DMD: variants seen among roughly 807,000 people sequenced by gnomAD.
The protein encoded by DMD is dystrophin.
DMD carries 63 observed loss-of-function variants against 330.1 expected under a neutral mutation model. The ratio of observed to expected loss-of-function variants is 0.19; its 90% confidence interval spans 0.16 to 0.24. The LOEUF is 0.24. DMD is among the 10% of genes least tolerant of loss of function. The probability of loss-of-function intolerance (pLI) is 1.00; values close to 1 mark genes in which losing one functional copy is unlikely to be tolerated. For synonymous variants in DMD, 1,223 were observed against 959.8 expected (o/e 1.27, Z -5.07); for missense variants, 3,344 against 2,684.1 (o/e 1.25, Z -5.43).
chrX:32,253,774 C>A (rs1156431772), intron 43 of DMD, among the ~76,000 whole-genome samples: 2 of 107,977 alleles, frequency 1.9e-5, no homozygotes, highest in Non-Finnish European at 3.8e-5. Context: ...TAGGCGTGCA[C>A]CACCAAGCCC....
At chrX:32,635,353 G>A (rs1484225594) in intron 11 of DMD, among the ~76,000 whole-genome samples, 1 of 111,391 alleles carries the variant, frequency 9.0e-6, no homozygotes, top group Non-Finnish European at 1.9e-5. Flanking sequence ...TGCTTTTCTA[G>A]TGTGGACAGT....
chrX:31,744,118 T>G, intron 51 of DMD, among the ~76,000 whole-genome samples: 1 of 111,902 alleles, frequency 8.9e-6, no homozygotes, highest in Middle Eastern at 4.6e-3. Flanking sequence ...TCCTCCTGCC[T>G]TGGCCTCCCA....
intron 2 of DMD, among the ~76,000 whole-genome samples, chrX:32,861,747 T>A (rs9887157): frequency 0.4 from 44,311 of 110,268 alleles, 7,131 homozygotes; most frequent in African/African-American, 0.58. Context: ...ATCCAACTAG[T>A]AGCCAGAGGG....
chrX:32,606,097 G>A (rs1230440712), intron 12 of DMD, among the ~76,000 whole-genome samples: 1 of 110,223 alleles, frequency 9.1e-6, no homozygotes, highest in African/African-American at 3.3e-5. Context: ...CATAGTTACT[G>A]TATGATATGA....
At chrX:32,814,539 C>G (rs2077584843) in intron 6 of DMD, among the ~76,000 whole-genome samples, 1 of 111,320 alleles carries the variant, frequency 9.0e-6, no homozygotes, top group Non-Finnish European at 1.9e-5. Flanking sequence ...CTGCCAAATA[C>G]AAAAAGAAGG....
intron 45 of DMD, among the ~76,000 whole-genome samples, chrX:31,951,143 G>GTATGTATATATATATA (rs1569521262): frequency 2.7e-5 from 2 of 74,338 alleles, no homozygotes; most frequent in African/African-American, 1.2e-4. Context: ...ATATATATGT[G>GTATGTATATATATATA]TATATATATA....
At chrX:33,231,985 C>CA (rs200714037) in intron 1 of DMD, among the ~76,000 whole-genome samples, 1 of 110,229 alleles carries the variant, frequency 9.1e-6, no homozygotes, top group Non-Finnish European at 1.9e-5. Flanking sequence ...CAGAGCAGAA[C>CA]AAAAAAGAGC....
intron 2 of DMD, among the ~76,000 whole-genome samples, chrX:32,977,669 A>C (rs757361851): frequency 4.9e-4 from 54 of 111,054 alleles, no homozygotes; most frequent in African/African-American, 1.5e-3. Context: ...AAGGTCAAAG[A>C]CTTATATAAG....
At chrX:33,258,081 A>C (rs1198117368) in intron 1 of DMD, among the ~76,000 whole-genome samples, 1 of 111,751 alleles carries the variant, frequency 8.9e-6, no homozygotes, top group Non-Finnish European at 1.9e-5. Context: ...CTACTGACGT[A>C]ATAAATATAC....
intron 42 of DMD, among the ~76,000 whole-genome samples, chrX:32,292,918 G>A (rs1020801901): frequency 8.9e-6 from 1 of 112,299 alleles, no homozygotes; most frequent in Non-Finnish European, 1.9e-5. Context: ...CTGTGTTCTC[G>A]TGTCTTATTT....
intron 1 of DMD, among the ~76,000 whole-genome samples, chrX:33,295,849 G>T (rs2148933731): frequency 9.0e-6 from 1 of 111,450 alleles, no homozygotes; most frequent in East Asian, 2.8e-4. Flanking sequence ...AACAGTGAGT[G>T]ACAAATAGTG....
At chrX:32,514,131 T>C (rs1412551474) in intron 18 of DMD, among the ~76,000 whole-genome samples, 3 of 107,975 alleles carry the variant, frequency 2.8e-5, no homozygotes, top group African/African-American at 1.0e-4. Flanking sequence ...TACAGCTGAA[T>C]GGAACCAGGT....
intron 44 of DMD, among the ~76,000 whole-genome samples, chrX:31,988,063 T>C (rs1428720111): frequency 8.9e-6 from 1 of 112,039 alleles, no homozygotes; most frequent in Non-Finnish European, 1.9e-5. Context: ...GGATACTATG[T>C]TAAGTGTCTG....
chrX:31,819,578 C>A (rs910147073), intron 50 of DMD, among the ~76,000 whole-genome samples: 3 of 113,017 alleles, frequency 2.7e-5, no homozygotes, highest in Non-Finnish European at 5.6e-5. Context: ...TGGCCAATGG[C>A]TGGCTGGATC....
chrX:32,390,115 T>C lies in DMD; in HGVS notation c.4300A>G (p.Lys1434Glu), dbSNP rs771250421. ...LEEMKKHNQG[K>E]EAAQRVLSQI... Reference sequence around the variant, plus strand: ...GACAGGACTCTTTGGGCAGCCTCCTTCCCCTGATTATGTTTCTTCATTTCT... The same window carrying C: ...GACAGGACTCTTTGGGCAGCCTCCTCCCCCTGATTATGTTTCTTCATTTCT... The change falls in exon 31 of 79, where the codon AAG becomes GAG. Residue 1434 changes from lysine to glutamate, a missense_variant. Lys to Glu is a moderately conservative substitution (Grantham distance 56, BLOSUM62 1). Transcript: ENST00000357033. The C allele has an allele frequency of 4.1e-6, 5 of 1,210,695 alleles. No individual in the cohort carries two copies. The highest frequency in any genetic ancestry group is 5.6e-6 in the Non-Finnish European group (5 of 894,552).
chrX:32,575,700 AG>A (rs1282800611), intron 13 of DMD, among the ~76,000 whole-genome samples: 2 of 111,984 alleles, frequency 1.8e-5, no homozygotes, highest in African/African-American at 6.5e-5. Flanking sequence ...GGGAGAAAAA[AG>A]CTTCAAATGG....
At chrX:32,959,172 A>G (rs1244226159) in intron 2 of DMD, among the ~76,000 whole-genome samples, 1 of 112,437 alleles carries the variant, frequency 8.9e-6, no homozygotes, top group Non-Finnish European at 1.9e-5. Flanking sequence ...TTAATTTTCA[A>G]AACAATCCTA....
intron 2 of DMD, among the ~76,000 whole-genome samples, chrX:32,938,592 C>G (rs1602068633): frequency 9.0e-6 from 1 of 111,582 alleles, no homozygotes; most frequent in East Asian, 2.8e-4. Flanking sequence ...ACTACCAACC[C>G]CAGTTACTGT....
At chrX:33,016,212 T>A (rs2093799837) in intron 2 of DMD, among the ~76,000 whole-genome samples, 1 of 111,284 alleles carries the variant, frequency 9.0e-6, no homozygotes, top group South Asian at 3.8e-4. Flanking sequence ...GGAGATAAGA[T>A]AAGGGTAATC....
Sources: allele counts gnomAD v4.1 joint callset (sites outside exome capture counted in the v4.1 genomes callset), GRCh38; gene constraint gnomAD v4.1.1; transcripts MANE v1.5; gene names NCBI Gene and HGNC (gene_info 2026-07-23, HGNC 2026-07-21).